ERBB4: variants seen among roughly 807,000 people sequenced by gnomAD.
The protein encoded by ERBB4 is receptor tyrosine-protein kinase erbB-4.
Under a neutral mutation model 158.0 loss-of-function variants are expected in ERBB4, and 42 were observed. That is an observed-to-expected ratio of 0.27 (90% confidence interval 0.21 to 0.34). ERBB4 has a LOEUF of 0.34. Among genes scored for constraint, ERBB4 ranks in the 10% least tolerant of loss-of-function variants. ERBB4 has a pLI of 1.00. For missense variants in ERBB4, 1,333 were observed against 1,624.1 expected (o/e 0.82, Z 3.08); for synonymous variants, 583 against 558.7 (o/e 1.04, Z -0.61).
chr2:211,987,348 A>AGAAG (rs2081965955), intron 2 of ERBB4, among the ~76,000 whole-genome samples: 1 of 150,974 alleles, frequency 6.6e-6, no homozygotes, highest in Admixed American at 6.6e-5. Flanking sequence ...AAAAAAAGAA[A>AGAAG]GAAATCTATC....
At chr2:211,863,745 C>T (rs368585552) in intron 3 of ERBB4, among the ~76,000 whole-genome samples, 16 of 152,182 alleles carry the variant, frequency 1.1e-4, no homozygotes, top group East Asian at 3.9e-4. Flanking sequence ...AGGTCCGTGG[C>T]TTCATTCTTG....
chr2:212,293,868 AAAAAAC>A (rs1474277959), intron 1 of ERBB4, among the ~76,000 whole-genome samples: 16 of 150,970 alleles, frequency 1.1e-4, no homozygotes, highest in African/African-American at 3.9e-4. Context: ...ACAAAAAAAA[AAAAAAC>A]ATACATTTGT....
intron 7 of ERBB4, among the ~76,000 whole-genome samples, chr2:211,715,524 T>A (rs1415372242): frequency 1.3e-5 from 2 of 152,206 alleles, no homozygotes; most frequent in Non-Finnish European, 2.9e-5. Context: ...AAATCTCATG[T>A]CGAATTATAA....
At chr2:212,274,928 C>T (rs753624513) in intron 1 of ERBB4, among the ~76,000 whole-genome samples, 1 of 151,838 alleles carries the variant, frequency 6.6e-6, no homozygotes, top group Non-Finnish European at 1.5e-5. Context: ...CCCTAGACCC[C>T]TACCCACCAG....
Position 211,377,390 on chromosome 2 carries a change from T to A in ERBB4, c.*6225A>T. 4.3e-6 allele frequency: 1 copy of A among 233,208 alleles called. No individual in the cohort carries two copies. Among genetic ancestry groups the A allele is most frequent in the Non-Finnish European group, 8.5e-6 (1 of 117,736 alleles). 14.4% of individuals were successfully genotyped at this position (233,208 alleles called of 1,614,324 possible). Reference sequence around the variant, plus strand: ...GTATGAATCTTTGTTTTCCTATATTTGTATATTTGCACAAATATAACCACT... The same window carrying A: ...GTATGAATCTTTGTTTTCCTATATTAGTATATTTGCACAAATATAACCACT... On this transcript the variant is annotated 3_prime_UTR_variant, in exon 28 of 28. Transcript: ENST00000342788.
chr2:211,716,254 A>C (rs1389329544), intron 7 of ERBB4, among the ~76,000 whole-genome samples: 1 of 149,244 alleles, frequency 6.7e-6, no homozygotes, highest in African/African-American at 2.5e-5. Context: ...CCCAGCTACT[A>C]GGGAGACTGA....
At chr2:212,140,588 G>C (rs1419693526) in intron 1 of ERBB4, among the ~76,000 whole-genome samples, 1 of 150,216 alleles carries the variant, frequency 6.7e-6, no homozygotes, top group Non-Finnish European at 1.5e-5. Context: ...TTTCTTTATA[G>C]AAATGTGTAT....
intron 1 of ERBB4, among the ~76,000 whole-genome samples, chr2:212,336,404 A>T (rs930773177): frequency 1.3e-5 from 2 of 151,902 alleles, no homozygotes; most frequent in African/African-American, 4.8e-5. Context: ...CATTTACATG[A>T]GTTCTATATT....
At chr2:212,181,541 G>A (rs1314559164) in intron 1 of ERBB4, among the ~76,000 whole-genome samples, 1 of 151,576 alleles carries the variant, frequency 6.6e-6, no homozygotes, top group Non-Finnish European at 1.5e-5. Context: ...ATATACATAT[G>A]TTTATCACAC....
chr2:211,773,913 G>A (rs1046597100), intron 4 of ERBB4, among the ~76,000 whole-genome samples: 4 of 151,582 alleles, frequency 2.6e-5, no homozygotes, highest in Non-Finnish European at 5.9e-5. Flanking sequence ...CCAACATTGA[G>A]GTTGTAAACC....
chr2:212,068,879 G>A (rs560302146), intron 2 of ERBB4, among the ~76,000 whole-genome samples: 8 of 152,128 alleles, frequency 5.3e-5, no homozygotes, highest in African/African-American at 1.7e-4. Context: ...AAATAAGGAA[G>A]GGAAAGTATC....
chr2:211,498,973 G>T (rs2065545667), intron 20 of ERBB4, among the ~76,000 whole-genome samples: 1 of 152,078 alleles, frequency 6.6e-6, no homozygotes, highest in Non-Finnish European at 1.5e-5. Flanking sequence ...CCAACAATGG[G>T]TTATAATGAG....
intron 12 of ERBB4, among the ~76,000 whole-genome samples, chr2:211,694,504 T>G (rs1389207677): frequency 6.6e-6 from 1 of 152,126 alleles, no homozygotes; most frequent in African/African-American, 2.4e-5. Flanking sequence ...TTTCTAGCAT[T>G]GTTAGTAATT....
intron 3 of ERBB4, among the ~76,000 whole-genome samples, chr2:211,911,474 C>T (rs1418037940): frequency 6.6e-6 from 1 of 151,958 alleles, no homozygotes; most frequent in Non-Finnish European, 1.5e-5. Context: ...CTAAGTTGCC[C>T]AGGCTGGTCT....
At chr2:211,652,044 A>G (rs1005676221) in intron 16 of ERBB4, among the ~76,000 whole-genome samples, 20 of 152,220 alleles carry the variant, frequency 1.3e-4, no homozygotes, top group African/African-American at 4.6e-4. Context: ...GGTCTCTAGA[A>G]GCTTTGGTAA....
At chr2:211,599,806 C>T (rs181645737) in intron 19 of ERBB4, among the ~76,000 whole-genome samples, 1 of 151,986 alleles carries the variant, frequency 6.6e-6, no homozygotes. Context: ...TTAACTATTC[C>T]CAATATTTTA....
At chr2:212,014,796 A>G (rs1025608457) in intron 2 of ERBB4, among the ~76,000 whole-genome samples, 19 of 151,890 alleles carry the variant, frequency 1.3e-4, no homozygotes. Context: ...ATTTAATAAA[A>G]TCATGGCTGA....
intron 2 of ERBB4, among the ~76,000 whole-genome samples, chr2:212,015,507 G>A (rs73988938): frequency 0.083 from 12,600 of 152,044 alleles, 703 homozygotes; most frequent in Middle Eastern, 0.12. Context: ...CCTGGGACCT[G>A]TTTCTCTGAA....
chr2:211,950,623 T>TA, intron 2 of ERBB4, among the ~76,000 whole-genome samples: 1 of 151,716 alleles, frequency 6.6e-6, no homozygotes, highest in East Asian at 1.9e-4. Context: ...AATAGAAGAG[T>TA]AGAATCCTAA....
Sources: gnomAD v4.1 joint callset for allele counts (sites outside exome capture counted in the v4.1 genomes callset) on GRCh38, gnomAD v4.1.1 for gene constraint, MANE v1.5 for transcripts, NCBI Gene and HGNC (gene_info 2026-07-23, HGNC 2026-07-21) for gene names.